The following UNC13C variants were observed in gnomAD, a reference collection of about 807,000 sequenced individuals.
UNC13C encodes unc-13 homolog C, also known as protein unc-13 homolog C.
Under a neutral mutation model 245.4 loss-of-function variants are expected in UNC13C, and 174 were observed. That is an observed-to-expected ratio of 0.71 (90% confidence interval 0.63 to 0.80). The LOEUF (loss-of-function observed/expected upper bound fraction) is 0.80, where lower values mean the gene tolerates loss of function less well. Among genes scored for constraint, UNC13C ranks in the 30% least tolerant of loss-of-function variants. The pLI is 0.00. For synonymous variants in UNC13C, 992 were observed against 895.1 expected (o/e 1.11, Z -1.93); for missense variants, 2,829 against 2,602.9 (o/e 1.09, Z -1.89).
chr15:54,058,893 C>G (rs1313128174), intron 2 of UNC13C, among the ~76,000 whole-genome samples: 1 of 152,096 alleles, frequency 6.6e-6, no homozygotes, highest in East Asian at 1.9e-4. Flanking sequence ...CAGAAAAGGC[C>G]TTTGACAAAA....
At chr15:54,377,930 T>C (rs1459584276) in intron 17 of UNC13C, among the ~76,000 whole-genome samples, 2 of 152,182 alleles carry the variant, frequency 1.3e-5, no homozygotes, top group Non-Finnish European at 2.9e-5. Flanking sequence ...TGAACTTAGT[T>C]ACAAGTATAT....
rs188132054 is a variant in UNC13C at position 54,041,903 on chromosome 15, G to A, written c.2983+26017G>A. ...GTTTTGAAGTTGGGGGTATAGTGCC[G>A]TCAGTGATGAAGAGGATTAGTTGAT... On this transcript the variant is annotated intron_variant, in intron 2 of 32. Transcript: ENST00000260323. Among the ~76,000 whole-genome samples the A allele has an allele frequency of 2.6e-4, 40 of 152,230 alleles. 1 individual carries two copies. The South Asian group carries it at 3.1e-3, about 12-fold the overall frequency.
At chr15:53,860,457 C>A in the UNC13C span, among the ~76,000 whole-genome samples, 1 of 152,100 alleles carries the variant, frequency 6.6e-6, no homozygotes, top group African/African-American at 2.4e-5. Flanking sequence ...GTCATGCAAC[C>A]CCTATTTAGA....
Position 54,530,342 on chromosome 15 carries a change from C to A in UNC13C, c.5547-2575C>A, listed in dbSNP as rs139746772. Among the ~76,000 whole-genome samples the A allele has an allele frequency of 2.6e-4, 40 of 152,274 alleles. 1 individual carries two copies. In the East Asian group the frequency reaches 6.8e-3, roughly 26 times the overall value. ...TACTGAGAACATTAAGATCTGTCCT[C>A]TTAGCAAATTTCAAGTATATAATGC... On this transcript the variant is annotated intron_variant, in intron 25 of 32. Transcript: ENST00000260323.
chr15:53,949,750 A>G, the UNC13C span, among the ~76,000 whole-genome samples: 2 of 152,198 alleles, frequency 1.3e-5, no homozygotes, highest in East Asian at 1.9e-4. Context: ...ACTCTGCTCC[A>G]GACAGAATTA....
chr15:54,551,496 C>G (rs901184013), intron 28 of UNC13C, among the ~76,000 whole-genome samples: 1 of 152,060 alleles, frequency 6.6e-6, no homozygotes, highest in East Asian at 1.9e-4. Context: ...AGACTGGTTC[C>G]CTAGAGGGTA....
At position 54,109,329 on chromosome 15, in the gene UNC13C, C is replaced by T. The variant is rs1320241093; in HGVS notation, c.2984-33689C>T. Among the ~76,000 whole-genome samples the T allele has an allele frequency of 4.6e-3, 223 of 48,200 alleles. 2 individuals carry two copies. The highest frequency in any genetic ancestry group is 0.017 in the African/African-American group (216 of 12,852). 31.6% of individuals were successfully genotyped at this position (48,200 alleles called of 152,430 possible). A position where few individuals can be genotyped will look rare whatever the true frequency, so the allele number is the denominator to read the frequency against. On this transcript the variant is annotated intron_variant, in intron 2 of 32. Coordinates refer to ENST00000260323, the MANE Select transcript of UNC13C (RefSeq NM_001080534.3). ...CCCTCCCCTCCCCTCCCTTTCCTTT[C>T]CTTTTTTTCTTTCTTTCCTTTTTTT...
At chr15:54,278,291 GAA>G (rs1229925501) in intron 10 of UNC13C, among the ~76,000 whole-genome samples, 3 of 152,068 alleles carry the variant, frequency 2.0e-5, no homozygotes, top group Non-Finnish European at 1.5e-5. Context: ...TTAACAGCCA[GAA>G]GTTTCTTTAC....
At chr15:54,242,250 T>A (rs1369558446) in intron 7 of UNC13C, among the ~76,000 whole-genome samples, 1 of 152,198 alleles carries the variant, frequency 6.6e-6, no homozygotes, top group Non-Finnish European at 1.5e-5. Context: ...CTGGCAAAAC[T>A]TGTCCTCCAA....
At chr15:54,407,666 T>C (rs978899757) in intron 18 of UNC13C, among the ~76,000 whole-genome samples, 28 of 152,164 alleles carry the variant, frequency 1.8e-4, no homozygotes, top group South Asian at 4.1e-4. Flanking sequence ...GGAAAAAAAC[T>C]TCTAAAACTG....
chr15:54,288,688 C>T (rs1596151192), intron 10 of UNC13C, among the ~76,000 whole-genome samples: 1 of 152,048 alleles, frequency 6.6e-6, no homozygotes, highest in African/African-American at 2.4e-5. Context: ...GTACTTATAG[C>T]GTCTGCCACC....
intron 2 of UNC13C, among the ~76,000 whole-genome samples, chr15:54,083,055 G>A (rs1410674309): frequency 6.6e-6 from 1 of 152,074 alleles, no homozygotes; most frequent in East Asian, 1.9e-4. Flanking sequence ...CCAGTAGGTG[G>A]CAATGAAGAG....
intron 4 of UNC13C, among the ~76,000 whole-genome samples, chr15:54,190,883 A>G (rs1476449862): frequency 6.6e-6 from 1 of 152,034 alleles, no homozygotes; most frequent in African/African-American, 2.4e-5. Context: ...TAGTCCATCT[A>G]TAATTTATTT....
At chr15:54,488,131 A>G (rs1893520639) in intron 19 of UNC13C, among the ~76,000 whole-genome samples, 1 of 152,184 alleles carries the variant, frequency 6.6e-6, no homozygotes, top group African/African-American at 2.4e-5. Context: ...TAGCATATAA[A>G]AAAGAACTCA....
At chr15:54,557,077 A>G (rs62022751) in intron 29 of UNC13C, among the ~76,000 whole-genome samples, 9,313 of 151,936 alleles carry the variant, frequency 0.061, 393 homozygotes, top group Admixed American at 0.13. Context: ...TGTTTATATC[A>G]TCTATACTAA....
the UNC13C span, chr15:53,914,707 C>T: frequency 3.9e-5 from 6 of 152,374 alleles, no homozygotes; most frequent in African/African-American, 1.4e-4. Flanking sequence ...AATCATCTTT[C>T]ACCTGCCTAC....
the UNC13C span, among the ~76,000 whole-genome samples, chr15:53,955,183 C>A: frequency 6.6e-6 from 1 of 151,994 alleles, no homozygotes; most frequent in Non-Finnish European, 1.5e-5. Context: ...TAGTATTTCC[C>A]CTGCATAGCC....
chr15:53,919,291 T>A, the UNC13C span, among the ~76,000 whole-genome samples: 1 of 152,182 alleles, frequency 6.6e-6, no homozygotes, highest in African/African-American at 2.4e-5. Flanking sequence ...GGATGAAATA[T>A]TGGTATGCTC....
intron 4 of UNC13C, 141 bp downstream of exon 4, chr15:54,143,825 A>T (rs2032135676): frequency 5.2e-6 from 3 of 572,710 alleles, no homozygotes; most frequent in Non-Finnish European, 9.1e-6. Context: ...AGTTGACATT[A>T]TAGTGTTTTC....
Sources: allele counts gnomAD v4.1 joint callset (sites outside exome capture counted in the v4.1 genomes callset), GRCh38; gene constraint gnomAD v4.1.1; transcripts MANE v1.5; gene names NCBI Gene and HGNC (gene_info 2026-07-23, HGNC 2026-07-21).